The following CD53 variants were observed in gnomAD, a reference collection of about 807,000 sequenced individuals.
CD53 encodes the protein CD53 molecule.
A neutral mutation model predicts 27.3 loss-of-function variants in CD53; 20 were observed. The ratio of observed to expected loss-of-function variants is 0.73; its 90% confidence interval spans 0.52 to 1.07. The LOEUF is 1.07. CD53 is among the 50% of genes least tolerant of loss of function. CD53 has a pLI of 0.00. For synonymous variants in CD53, 106 were observed against 105.3 expected (o/e 1.01, Z -0.04); for missense variants, 216 against 264.0 (o/e 0.82, Z 1.26).
chr1:110,886,223 A>G (rs377160771), intron 1 of CD53, among the ~76,000 whole-genome samples: 5 of 152,062 alleles, frequency 3.3e-5, no homozygotes, highest in Non-Finnish European at 7.4e-5. Flanking sequence ...GTCTGCTCTT[A>G]TCCTTACAAT....
intron 1 of CD53, among the ~76,000 whole-genome samples, chr1:110,876,781 T>C (rs1442424588): frequency 1.3e-5 from 2 of 152,132 alleles, no homozygotes; most frequent in African/African-American, 2.4e-5. Flanking sequence ...TTTAAAAAAA[T>C]GACAAAATTC....
intron 1 of CD53, among the ~76,000 whole-genome samples, chr1:110,879,620 C>T (rs1279310994): frequency 4.6e-5 from 7 of 151,912 alleles, no homozygotes; most frequent in African/African-American, 7.3e-5. Flanking sequence ...ATCTCATAAG[C>T]GTAATGGTCT....
At chr1:110,881,233 C>T (rs12126260) in intron 1 of CD53, among the ~76,000 whole-genome samples, 31,483 of 151,958 alleles carry the variant, frequency 0.21, 3,643 homozygotes, top group East Asian at 0.32. Context: ...CCCTTCCCTG[C>T]TCCCTCTCTA....
intron 1 of CD53, among the ~76,000 whole-genome samples, chr1:110,888,345 T>G (rs1303136546): frequency 6.6e-6 from 1 of 152,204 alleles, no homozygotes; most frequent in Admixed American, 6.5e-5. Flanking sequence ...CTGTAAACCC[T>G]AGCTGCCTTG....
At chr1:110,881,130 G>T (rs1656339559) in intron 1 of CD53, among the ~76,000 whole-genome samples, 1 of 152,106 alleles carries the variant, frequency 6.6e-6, no homozygotes, top group South Asian at 2.1e-4. Flanking sequence ...TGACGTAAGT[G>T]TACATGCATA....
intron 1 of CD53, among the ~76,000 whole-genome samples, chr1:110,881,176 A>G (rs1173857667): frequency 6.6e-6 from 1 of 152,162 alleles, no homozygotes; most frequent in African/African-American, 2.4e-5. Flanking sequence ...GAGCGTATGC[A>G]TCACTCACCA....
At chr1:110,881,240 T>C (rs1224762333) in intron 1 of CD53, among the ~76,000 whole-genome samples, 2 of 152,110 alleles carry the variant, frequency 1.3e-5, no homozygotes, top group Admixed American at 6.5e-5. Flanking sequence ...CTGCTCCCTC[T>C]CTACTCACCT....
intron 1 of CD53, among the ~76,000 whole-genome samples, chr1:110,878,946 T>A (rs1195911202): frequency 1.3e-5 from 2 of 152,230 alleles, no homozygotes; most frequent in Non-Finnish European, 2.9e-5. Flanking sequence ...CTTTTATTAC[T>A]GAAATTTAAC....
At chr1:110,878,395 C>G (rs1036452809) in intron 1 of CD53, among the ~76,000 whole-genome samples, 1 of 151,744 alleles carries the variant, frequency 6.6e-6, no homozygotes, top group Non-Finnish European at 1.5e-5. Flanking sequence ...AATTACCTTG[C>G]GAATGCTCTT....
intron 3 of CD53, among the ~76,000 whole-genome samples, chr1:110,893,448 G>A (rs1048755035): frequency 6.6e-5 from 10 of 152,070 alleles, no homozygotes; most frequent in Non-Finnish European, 1.0e-4. Flanking sequence ...TCAGCCTCCC[G>A]AGTAGCTGGG....
At chr1:110,872,606 C>T (rs182632104), upstream of CD53, among the ~76,000 whole-genome samples, 4 of 152,324 alleles carry the variant, frequency 2.6e-5, no homozygotes, top group East Asian at 7.7e-4. Flanking sequence ...GACAGTCTTG[C>T]TCTCGAGACA....
chr1:110,889,896 A>C (rs1276526224), intron 1 of CD53, among the ~76,000 whole-genome samples: 1 of 152,212 alleles, frequency 6.6e-6, no homozygotes, highest in Admixed American at 6.5e-5. Context: ...TAAAGTAATC[A>C]TGTAGATTTA....
intron 6 of CD53, 129 bp downstream of exon 6, chr1:110,896,862 A>C: frequency 1.4e-6 from 1 of 734,902 alleles, no homozygotes. Flanking sequence ...AAGAGAGGCC[A>C]GGGCAACAAC....
At position 110,892,273 on chromosome 1, in the gene CD53, G is replaced by A. The variant is rs541388082; in HGVS notation, c.64-72G>A. The A allele has an allele frequency of 6.4e-5, 66 of 1,034,524 alleles. 1 individual carries two copies. The East Asian group carries it at 1.5e-3, about 23-fold the overall frequency. The allele number at this position is 1,034,524 out of a possible 1,614,324, so 64.1% of individuals were successfully genotyped here. On this transcript the variant is annotated intron_variant, in intron 2 of 7. Transcript: ENST00000271324. ...AAAAATAAAGTGATTCTGATCTCAA[G>A]GAAGTGAGAATATGAGGAGATACCC...
At chr1:110,878,787 C>T (rs1656225071) in intron 1 of CD53, among the ~76,000 whole-genome samples, 1 of 152,068 alleles carries the variant, frequency 6.6e-6, no homozygotes, top group South Asian at 2.1e-4. Context: ...CTGGGATTTT[C>T]CAACATGTCT....
upstream of CD53, among the ~76,000 whole-genome samples, chr1:110,872,451 T>C (rs1655993078): frequency 6.6e-6 from 1 of 152,212 alleles, no homozygotes; most frequent in South Asian, 2.1e-4. Context: ...GGCTGACAGA[T>C]TGAGACTTGC....
At chr1:110,897,978 T>C in intron 7 of CD53, 86 bp downstream of exon 7, 1 of 673,348 alleles carries the variant, frequency 1.5e-6, no homozygotes, top group Non-Finnish European at 2.6e-6. Context: ...ACACAGTATT[T>C]ACACAATAAA....
At chr1:110,894,251 G>A in intron 3 of CD53, 76 bp from the exon 4 acceptor site, 1 of 1,295,076 alleles carries the variant, frequency 7.7e-7, no homozygotes, top group African/African-American at 1.5e-5. Flanking sequence ...AAATGCCCCT[G>A]GATGCTCCCA....
At chr1:110,877,321 CAAAG>C (rs1411467584) in intron 1 of CD53, among the ~76,000 whole-genome samples, 3 of 152,182 alleles carry the variant, frequency 2.0e-5, no homozygotes, top group Non-Finnish European at 4.4e-5. Context: ...TCTTATCCCA[CAAAG>C]AGTCTTGCTT....
Sources: gnomAD v4.1 joint callset for allele counts (sites outside exome capture counted in the v4.1 genomes callset) on GRCh38, gnomAD v4.1.1 for gene constraint, MANE v1.5 for transcripts, NCBI Gene and HGNC (gene_info 2026-07-23, HGNC 2026-07-21) for gene names.